BANK1: variants seen among roughly 807,000 people sequenced by gnomAD.
BANK1 encodes the protein B-cell scaffold protein with ankyrin repeats.
Under a neutral mutation model 94.5 loss-of-function variants are expected in BANK1, and 95 were observed. That is an observed-to-expected ratio of 1.00 (90% CI 0.85 to 1.19). BANK1 has a LOEUF of 1.19. Among genes scored for constraint, BANK1 ranks in the 50% most tolerant of loss-of-function variants. BANK1 has a pLI of 0.00. For missense variants in BANK1, 987 were observed against 932.2 expected (o/e 1.06, Z -0.77); for synonymous variants, 334 against 308.4 (o/e 1.08, Z -0.87).
chr4:101,827,187 A>C (rs1385700679), intron 1 of BANK1, among the ~76,000 whole-genome samples: 1 of 151,930 alleles, frequency 6.6e-6, no homozygotes, highest in Non-Finnish European at 1.5e-5. Flanking sequence ...TCTCTCACAT[A>C]AACAATTGTT....
chr4:102,036,646 G>A (rs1560701149), intron 10 of BANK1: 2 of 152,338 alleles, frequency 1.3e-5, no homozygotes, highest in East Asian at 1.9e-4. Context: ...ATGAGAGAGT[G>A]CTGGTGTAGC....
chr4:101,895,753 A>T (rs909161805), intron 6 of BANK1, among the ~76,000 whole-genome samples: 2 of 151,902 alleles, frequency 1.3e-5, no homozygotes, highest in Admixed American at 6.6e-5. Context: ...TTTTACAAAG[A>T]TAAGTAATTG....
chr4:101,837,558 T>C (rs956010370), intron 2 of BANK1, among the ~76,000 whole-genome samples: 16 of 152,196 alleles, frequency 1.1e-4, no homozygotes, highest in African/African-American at 3.9e-4. Flanking sequence ...AGGACTAAGG[T>C]TTCAAGGATT....
intron 7 of BANK1, among the ~76,000 whole-genome samples, chr4:102,004,590 T>C (rs150635433): frequency 4.3e-4 from 66 of 152,332 alleles, no homozygotes; most frequent in Middle Eastern, 3.4e-3. Context: ...AGGATTTTAT[T>C]TGCCTTCCAC....
At chr4:102,035,871 TA>T (rs1727494853) in intron 10 of BANK1, among the ~76,000 whole-genome samples, 1 of 152,134 alleles carries the variant, frequency 6.6e-6, no homozygotes, top group African/African-American at 2.4e-5. Flanking sequence ...TCGGGTTCAT[TA>T]AGCTTGAAGA....
intron 1 of BANK1, among the ~76,000 whole-genome samples, chr4:101,808,096 A>AAT (rs35828857): frequency 0.013 from 2,020 of 149,634 alleles, 35 homozygotes; most frequent in East Asian, 0.062. Context: ...AAAAAAAAAA[A>AAT]GAAATGAAAT....
chr4:102,053,887 A>G (rs540790479), intron 11 of BANK1, among the ~76,000 whole-genome samples: 1 of 151,974 alleles, frequency 6.6e-6, no homozygotes, highest in East Asian at 1.9e-4. Flanking sequence ...TTATTAATAA[A>G]AAAAGATAAA....
intron 6 of BANK1, among the ~76,000 whole-genome samples, chr4:101,896,947 T>C (rs1268833808): frequency 2.0e-5 from 3 of 152,016 alleles, no homozygotes; most frequent in African/African-American, 7.2e-5. Flanking sequence ...ATTAATGTTA[T>C]TGTAAATGTA....
At chr4:101,956,652 A>C (rs1724355503) in intron 7 of BANK1, among the ~76,000 whole-genome samples, 1 of 152,284 alleles carries the variant, frequency 6.6e-6, no homozygotes, top group African/African-American at 2.4e-5. Context: ...TTATCTGGAG[A>C]GGAAACCAAG....
At chr4:101,832,998 A>G (rs1314420862) in intron 2 of BANK1, among the ~76,000 whole-genome samples, 5 of 144,592 alleles carry the variant, frequency 3.5e-5, no homozygotes. Context: ...TTTTTTTTTG[A>G]GACGGAGTTT....
intron 8 of BANK1, among the ~76,000 whole-genome samples, chr4:102,022,879 G>T (rs1013332294): frequency 2.0e-5 from 3 of 152,096 alleles, no homozygotes; most frequent in African/African-American, 7.2e-5. Context: ...CTGCCTCAGG[G>T]CATTTGCACT....
At chr4:101,904,169 A>G (rs1230260556) in intron 6 of BANK1, among the ~76,000 whole-genome samples, 1 of 152,230 alleles carries the variant, frequency 6.6e-6, no homozygotes, top group Non-Finnish European at 1.5e-5. Flanking sequence ...AGCTAAAACG[A>G]TAGTAAAGAA....
At position 101,852,163 on chromosome 4, in the gene BANK1, A is replaced by G. The variant is rs1727499270; in HGVS notation, c.470-2872A>G. Among the ~76,000 whole-genome samples the G allele has an allele frequency of 1.3e-5, 2 of 151,982 alleles. 1 individual carries two copies. The highest frequency in any genetic ancestry group is 4.1e-4 in the South Asian group (2 of 4,822). On this transcript the variant is annotated intron_variant, in intron 2 of 16. Coordinates refer to ENST00000322953, the MANE Select transcript of BANK1 (RefSeq NM_017935.5). The stretch of plus-strand genomic sequence containing the variant: ...TCTTATGTAATTGCACCATTTATCA[A>G]TTTCTAGTGCTTTAATACATTCATT...
intron 4 of BANK1, among the ~76,000 whole-genome samples, chr4:101,869,910 T>C (rs558747043): frequency 1.2e-4 from 18 of 152,086 alleles, no homozygotes; most frequent in South Asian, 1.0e-3. Flanking sequence ...CAATTCACAA[T>C]GTAGTGTATC....
intron 11 of BANK1, among the ~76,000 whole-genome samples, chr4:102,056,471 A>C (rs1456878939): frequency 6.6e-6 from 1 of 152,162 alleles, no homozygotes; most frequent in Non-Finnish European, 1.5e-5. Flanking sequence ...AGAATATTTA[A>C]TGTTATGGAA....
chr4:101,888,063 A>G (rs1024402803), intron 5 of BANK1, among the ~76,000 whole-genome samples: 1 of 152,130 alleles, frequency 6.6e-6, no homozygotes. Flanking sequence ...GCTCTCTTTC[A>G]TGGCACACAT....
At chr4:101,944,629 C>A (rs1363776449) in intron 7 of BANK1, among the ~76,000 whole-genome samples, 2 of 151,964 alleles carry the variant, frequency 1.3e-5, no homozygotes, top group African/African-American at 4.8e-5. Flanking sequence ...CCAGGAAAAT[C>A]TTTCAAGAGC....
At position 101,827,535 on chromosome 4, in the gene BANK1, A is replaced by C. The variant is rs1726412024; in HGVS notation, c.71-2273A>C. On this transcript the variant is annotated intron_variant, in intron 1 of 16. Transcript: ENST00000322953. ...CCCACTGTGTAATCACTTTTATTTCATCAAGTTAAAATGTGCGTTTTGTAG... is the reference window on the plus strand; with the variant it reads ...CCCACTGTGTAATCACTTTTATTTCCTCAAGTTAAAATGTGCGTTTTGTAG... 2.6e-5 allele frequency among the ~76,000 whole-genome samples: 4 copies of C among 151,950 alleles called. No homozygotes were observed. In the South Asian group the frequency reaches 8.3e-4, roughly 32 times the overall value.
intron 1 of BANK1, among the ~76,000 whole-genome samples, chr4:101,798,770 T>G (rs1725248629): frequency 6.6e-6 from 1 of 152,236 alleles, no homozygotes; most frequent in Admixed American, 6.5e-5. Flanking sequence ...TTTTGAGAAG[T>G]GTGTGTTCAT....
Sources: gnomAD v4.1 joint callset for allele counts (sites outside exome capture counted in the v4.1 genomes callset) on GRCh38, gnomAD v4.1.1 for gene constraint, MANE v1.5 for transcripts, NCBI Gene and HGNC (gene_info 2026-07-23, HGNC 2026-07-21) for gene names.